Variants in TLK2 observed in about 807,000 individuals in gnomAD.
TLK2 encodes the protein serine/threonine-protein kinase tousled-like 2.
TLK2 carries 6 observed loss-of-function variants against 117.3 expected under a neutral mutation model. The observed-to-expected ratio is 0.05, with a 90% CI of 0.03 to 0.10. The LOEUF is 0.10. Among genes scored for constraint, TLK2 ranks in the 10% least tolerant of loss-of-function variants. TLK2 has a pLI of 1.00. For missense variants in TLK2, 299 were observed against 901.2 expected, an observed-to-expected ratio of 0.33 and a Z score of 8.56; for synonymous variants, 257 against 316.7, an observed-to-expected ratio of 0.81 and a Z score of 2.00.
chr17:62,583,063 G>A (rs1415321552), intron 15 of TLK2, among the ~76,000 whole-genome samples: 1 of 151,954 alleles, frequency 6.6e-6, no homozygotes, highest in African/African-American at 2.4e-5. Context: ...CGCCTACCGT[G>A]TATAGTGCTG....
At position 62,493,923 on chromosome 17, in the gene TLK2, A is replaced by G. The variant is rs984803797; in HGVS notation, c.81+12717A>G. On this transcript the variant is annotated intron_variant, in intron 2 of 21. Transcript: ENST00000346027. ...CAGGTGCCCACCACCATGCCCGGCT[A>G]ATTTTTGTATTTTTAGTAGAGACGG... 2.0e-5 allele frequency among the ~76,000 whole-genome samples: 3 copies of G among 152,084 alleles called. No individual in the cohort carries two copies. The East Asian group carries it at 5.8e-4, about 29-fold the overall frequency.
At chr17:62,553,419 A>G (rs548842437) in intron 8 of TLK2, 1 of 451,278 alleles carries the variant, frequency 2.2e-6, no homozygotes, top group African/African-American at 2.0e-5. Flanking sequence ...GTGAGAATTC[A>G]TACATTTGAT....
intron 11 of TLK2, 145 bp downstream of exon 11, chr17:62,565,282 T>G (rs2079661432): frequency 1.9e-6 from 2 of 1,073,324 alleles, no homozygotes; most frequent in African/African-American, 3.2e-5. Flanking sequence ...GAAAGAAATG[T>G]ATCGAATGAG....
At chr17:62,543,965 T>C (rs900576608) in intron 7 of TLK2, among the ~76,000 whole-genome samples, 1 of 152,258 alleles carries the variant, frequency 6.6e-6, no homozygotes, top group African/African-American at 2.4e-5. Flanking sequence ...CTTTTAGCTC[T>C]TATATTTAGG....
intron 2 of TLK2, among the ~76,000 whole-genome samples, chr17:62,495,653 TTATA>T (rs143548926): frequency 1.5e-5 from 2 of 137,904 alleles, no homozygotes; most frequent in South Asian, 2.4e-4. Context: ...ATTTTAAAAA[TTATA>T]TATATATATA....
Position 62,546,451 on chromosome 17 carries a change from C to T in TLK2, c.532-5851C>T, listed in dbSNP as rs540509951. On this transcript the variant is annotated intron_variant, in intron 7 of 21. Coordinates refer to ENST00000346027, the MANE Select transcript of TLK2 (RefSeq NM_006852.6). Reference sequence around the variant, plus strand: ...TCCTCTGTTCTTTTCTCTAGAAAGCCATTAGATAGTTTCAGGGTCTCTGTG... The same window carrying T: ...TCCTCTGTTCTTTTCTCTAGAAAGCTATTAGATAGTTTCAGGGTCTCTGTG... Among the ~76,000 whole-genome samples, 8 of 144,686 alleles carry T rather than the reference C, an allele frequency of 5.5e-5. No homozygotes were observed. In the South Asian group the frequency reaches 1.8e-3, roughly 33 times the overall value. The allele number at this position is 144,686 out of a possible 152,430, so 94.9% of individuals were successfully genotyped here. A position where few individuals can be genotyped will look rare whatever the true frequency, so the allele number is the denominator to read the frequency against.
intron 8 of TLK2, among the ~76,000 whole-genome samples, chr17:62,552,812 G>A (rs2078577468): frequency 6.6e-6 from 1 of 152,120 alleles, no homozygotes; most frequent in Admixed American, 6.5e-5. Context: ...CTCAGACAGT[G>A]TATACAAAAT....
chr17:62,572,551 T>G (rs1054687033), intron 11 of TLK2, among the ~76,000 whole-genome samples: 1 of 152,252 alleles, frequency 6.6e-6, no homozygotes, highest in Non-Finnish European at 1.5e-5. Flanking sequence ...AAAATATGTT[T>G]TATACTAATT....
intron 2 of TLK2, among the ~76,000 whole-genome samples, chr17:62,504,216 T>G (rs1408732399): frequency 5.3e-5 from 8 of 152,180 alleles, no homozygotes; most frequent in Non-Finnish European, 5.9e-5. Flanking sequence ...ACTAATAATC[T>G]TCATTGAGCA....
At chr17:62,521,733 A>AT (rs962330039) in intron 3 of TLK2, among the ~76,000 whole-genome samples, 132 of 147,428 alleles carry the variant, frequency 9.0e-4, no homozygotes, top group East Asian at 1.4e-3. Flanking sequence ...CATGCATGAG[A>AT]TTTTTTTTTT....
rs2598152 is a variant in TLK2 at position 62,480,609 on chromosome 17, C to G, written c.-5-512C>G. Among the ~76,000 whole-genome samples, 20 of 152,316 alleles carry G rather than the reference C, an allele frequency of 1.3e-4. No homozygotes were observed. The South Asian group carries it at 4.1e-3, about 32-fold the overall frequency. On this transcript the variant is annotated intron_variant, in intron 1 of 21. Transcript: ENST00000346027. ...TGAGCTACTGTGAGCTCTTCAGAGACAGGAGCTGTATAATAGTGATTTTGC... is the reference window on the plus strand; with the variant it reads ...TGAGCTACTGTGAGCTCTTCAGAGAGAGGAGCTGTATAATAGTGATTTTGC...
At chr17:62,481,656 G>A (rs1414721234) in intron 2 of TLK2, among the ~76,000 whole-genome samples, 1 of 152,224 alleles carries the variant, frequency 6.6e-6, no homozygotes, top group Non-Finnish European at 1.5e-5. Context: ...CCCCAGACTG[G>A]TTTGTTGCTC....
intron 7 of TLK2, among the ~76,000 whole-genome samples, chr17:62,548,442 T>C (rs1285378725): frequency 2.0e-5 from 3 of 151,126 alleles, no homozygotes; most frequent in Non-Finnish European, 4.4e-5. Flanking sequence ...CCACCACACC[T>C]GGCTAATTTT....
intron 4 of TLK2, among the ~76,000 whole-genome samples, chr17:62,522,541 T>C (rs1274553900): frequency 6.6e-6 from 1 of 152,176 alleles, no homozygotes. Flanking sequence ...ACCAAATATA[T>C]ATTGTACAAA....
intron 2 of TLK2, among the ~76,000 whole-genome samples, chr17:62,510,072 G>A (rs1037619250): frequency 1.4e-4 from 21 of 152,102 alleles, no homozygotes; most frequent in African/African-American, 4.8e-4. Context: ...TGAGCCATTC[G>A]AGACCAGCCT....
intron 10 of TLK2, among the ~76,000 whole-genome samples, chr17:62,562,697 AC>A (rs570061251): frequency 6.9e-4 from 105 of 152,280 alleles, no homozygotes; most frequent in African/African-American, 2.5e-3. Context: ...CTGATTTGTT[AC>A]ACCAATAGAA....
At chr17:62,476,410 C>T (rs1426083560), upstream of TLK2, among the ~76,000 whole-genome samples, 7 of 151,854 alleles carry the variant, frequency 4.6e-5, no homozygotes, top group Admixed American at 2.0e-4. Context: ...AGTGAAACTC[C>T]GTCTCTACTA....
At chr17:62,561,423 G>C (rs1333612668) in intron 10 of TLK2, among the ~76,000 whole-genome samples, 1 of 152,218 alleles carries the variant, frequency 6.6e-6, no homozygotes, top group Non-Finnish European at 1.5e-5. Context: ...TGTTGGCCAG[G>C]CTGGGCTTGA....
chr17:62,602,235 T>C, intron 19 of TLK2, 55 bp downstream of exon 19: 1 of 1,558,802 alleles, frequency 6.4e-7, no homozygotes, highest in Non-Finnish European at 8.7e-7. Context: ...TCTGCTATGC[T>C]GAAGTGTTGA....
Sources: gnomAD v4.1 joint callset for allele counts (sites outside exome capture counted in the v4.1 genomes callset) on GRCh38, gnomAD v4.1.1 for gene constraint, MANE v1.5 for transcripts, NCBI Gene and HGNC (gene_info 2026-07-23, HGNC 2026-07-21) for gene names.